The following TXNRD1 variants were observed in gnomAD, a reference collection of about 807,000 sequenced individuals.
TXNRD1 encodes the protein thioredoxin reductase 1, cytoplasmic.
TXNRD1 carries 57 observed loss-of-function variants against 80.3 expected under a neutral mutation model. The observed-to-expected ratio is 0.71, with a 90% CI of 0.57 to 0.89. The LOEUF is 0.89. Among genes scored for constraint, TXNRD1 ranks in the 40% least tolerant of loss-of-function variants. The pLI is 0.00. For synonymous variants in TXNRD1, 291 were observed against 285.2 expected (o/e 1.02, Z -0.20); for missense variants, 730 against 803.0 (o/e 0.91, Z 1.10).
At chr12:104,336,731 T>C (rs1404093700) in intron 15 of TXNRD1, among the ~76,000 whole-genome samples, 1 of 152,244 alleles carries the variant, frequency 6.6e-6, no homozygotes, top group East Asian at 1.9e-4. Flanking sequence ...GCACTTACTG[T>C]GTACCAGGCA....
chr12:104,251,946 C>T (rs185605162), intron 2 of TXNRD1, among the ~76,000 whole-genome samples: 272 of 151,556 alleles, frequency 1.8e-3, no homozygotes, highest in Non-Finnish European at 3.0e-3. Context: ...TGCCTGTAGT[C>T]GCAGCTACTC....
chr12:104,323,619 G>A (rs866381346), intron 10 of TXNRD1, among the ~76,000 whole-genome samples: 4,380 of 19,544 alleles, frequency 0.22, 1,013 homozygotes, highest in African/African-American at 0.38. Context: ...GCGGCTGGCC[G>A]GGCAGGGGGG....
chr12:104,250,387 A>G (rs2033093658), intron 1 of TXNRD1, among the ~76,000 whole-genome samples: 1 of 152,250 alleles, frequency 6.6e-6, no homozygotes, highest in South Asian at 2.1e-4. Context: ...CAAAAAAGAA[A>G]AAGATAAATT....
chr12:104,277,879 C>CTTTTTT (rs140314717), intron 3 of TXNRD1, among the ~76,000 whole-genome samples: 1 of 141,830 alleles, frequency 7.1e-6, no homozygotes, highest in African/African-American at 2.6e-5. Flanking sequence ...TGGCAAGATT[C>CTTTTTT]TTTTTTTTTT....
At chr12:104,322,253 A>G (rs1158854960) in intron 10 of TXNRD1, among the ~76,000 whole-genome samples, 2 of 152,152 alleles carry the variant, frequency 1.3e-5, no homozygotes, top group Admixed American at 6.5e-5. Flanking sequence ...AGTAATTAGA[A>G]AAGTACCTGG....
chr12:104,309,714 C>A, intron 4 of TXNRD1: 1 of 1,412,606 alleles, frequency 7.1e-7, no homozygotes, highest in Non-Finnish European at 9.5e-7. Context: ...ATAATTGATC[C>A]TTTGATCGAA....
At chr12:104,331,388 T>C in intron 13 of TXNRD1, 146 bp from the exon 14 acceptor site, 1 of 514,476 alleles carries the variant, frequency 1.9e-6, no homozygotes, top group East Asian at 3.0e-5. Context: ...GTAGATTAAT[T>C]AATTAATATC....
At chr12:104,348,292 G>A in intron 16 of TXNRD1, 61 bp from the exon 17 acceptor site, 3 of 1,529,276 alleles carry the variant, frequency 2.0e-6, no homozygotes, top group Non-Finnish European at 2.7e-6. Context: ...TATCTGAACT[G>A]TTCCCTGTTA....
At chr12:104,308,718 G>C (rs1462092331) in intron 4 of TXNRD1, among the ~76,000 whole-genome samples, 1 of 152,024 alleles carries the variant, frequency 6.6e-6, no homozygotes, top group Non-Finnish European at 1.5e-5. Context: ...GTTGTAGTTG[G>C]AGGAGGATGG....
chr12:104,285,943 C>T (rs1385780095), intron 3 of TXNRD1: 1 of 152,098 alleles, frequency 6.6e-6, no homozygotes, highest in African/African-American at 2.4e-5. Context: ...CAATAATCAC[C>T]TTACAGGGGA....
chr12:104,289,994 T>G (rs1292044479), intron 4 of TXNRD1, among the ~76,000 whole-genome samples: 2 of 152,228 alleles, frequency 1.3e-5, no homozygotes, highest in South Asian at 2.1e-4. Context: ...TGATGTTCTA[T>G]CTCACCTGTG....
intron 1 of TXNRD1, among the ~76,000 whole-genome samples, chr12:104,228,790 G>A (rs1171894601): frequency 6.6e-6 from 1 of 151,942 alleles, no homozygotes; most frequent in African/African-American, 2.4e-5. Flanking sequence ...TTTGATCTCG[G>A]CTCACTGCAA....
chr12:104,285,926 C>T (rs996501844), intron 3 of TXNRD1: 1 of 152,156 alleles, frequency 6.6e-6, no homozygotes, highest in Admixed American at 6.6e-5. Flanking sequence ...TAATCAAACA[C>T]TCATGTCAAT....
chr12:104,245,095 A>T (rs1281966546), intron 1 of TXNRD1, among the ~76,000 whole-genome samples: 1 of 152,242 alleles, frequency 6.6e-6, no homozygotes, highest in Non-Finnish European at 1.5e-5. Flanking sequence ...TAACTAGGTG[A>T]TAATAGCTAT....
chr12:104,331,689 T>C (rs1399863683), intron 14 of TXNRD1, 48 bp downstream of exon 14: 3 of 1,256,370 alleles, frequency 2.4e-6, no homozygotes, highest in South Asian at 2.6e-5. Context: ...TACTTTTTTT[T>C]CTTCAGAATT....
At chr12:104,320,799 T>A (rs530375183) in intron 9 of TXNRD1, among the ~76,000 whole-genome samples, 1 of 152,326 alleles carries the variant, frequency 6.6e-6, no homozygotes, top group South Asian at 2.1e-4. Flanking sequence ...TCCAAACAGT[T>A]CAAAATCATT....
At position 104,215,820 on chromosome 12, in the gene TXNRD1, C is replaced by CAA. The variant is rs776656339; in HGVS notation, c.19_20dup (p.Ala8ArgfsTer57). The stretch of plus-strand genomic sequence containing the variant: ...TGTGCGACATGGGCTGCGCCGAGGG[C>CAA]AAGGCAGTGGCGGCGGCCGCCCCAA... On this transcript the variant is annotated frameshift_variant, in exon 1 of 17. Transcript: ENST00000525566. LOFTEE classifies it high-confidence loss of function. The CAA allele has an allele frequency of 3.8e-6, 6 of 1,564,032 alleles. No homozygotes were observed. The highest frequency in any genetic ancestry group is 4.3e-6 in the Non-Finnish European group (5 of 1,154,934).
intron 3 of TXNRD1, among the ~76,000 whole-genome samples, chr12:104,260,324 G>A (rs753214057): frequency 1.3e-5 from 2 of 151,986 alleles, no homozygotes; most frequent in South Asian, 2.1e-4. Flanking sequence ...AAAATTAGCC[G>A]GGCATGGTGG....
chr12:104,256,325 T>C (rs1351440866), intron 2 of TXNRD1, among the ~76,000 whole-genome samples: 1 of 152,208 alleles, frequency 6.6e-6, no homozygotes, highest in Non-Finnish European at 1.5e-5. Context: ...ACCATATGTG[T>C]TTTGCGTGCA....
Sources: allele counts gnomAD v4.1 joint callset (sites outside exome capture counted in the v4.1 genomes callset), GRCh38; gene constraint gnomAD v4.1.1; transcripts MANE v1.5; gene names NCBI Gene and HGNC (gene_info 2026-07-23, HGNC 2026-07-21).